Variants in SYNE1 observed in about 807,000 individuals in gnomAD.
The protein encoded by SYNE1 is nesprin-1.
SYNE1 carries 616 observed loss-of-function variants against 1,111.0 expected under a neutral mutation model. The observed-to-expected ratio is 0.55, with a 90% CI of 0.52 to 0.59. SYNE1 has a LOEUF of 0.59. SYNE1 is among the 20% of genes least tolerant of loss of function. SYNE1 has a pLI of 0.00. For synonymous variants in SYNE1, 3,855 were observed against 3,825.8 expected (o/e 1.01, Z -0.28); for missense variants, 10,006 against 10,417.0 (o/e 0.96, Z 1.72).
intron 89 of SYNE1, 102 bp downstream of exon 89, chr6:152,310,294 A>G: frequency 6.6e-7 from 1 of 1,519,552 alleles, no homozygotes; most frequent in Non-Finnish European, 9.0e-7. Context: ...AATAAATTAA[A>G]AAAAATAAAA....
At chr6:152,607,944 A>T (rs2099620582) in intron 3 of SYNE1, among the ~76,000 whole-genome samples, 1 of 152,130 alleles carries the variant, frequency 6.6e-6, no homozygotes, top group Non-Finnish European at 1.5e-5. Flanking sequence ...CAGAAAACCA[A>T]ACACTGCCTG....
At chr6:152,513,056 C>A (rs1485798340) in intron 6 of SYNE1, among the ~76,000 whole-genome samples, 4 of 152,114 alleles carry the variant, frequency 2.6e-5, no homozygotes, top group East Asian at 3.9e-4. Flanking sequence ...CACCTTGGAC[C>A]CATTAAACCA....
chr6:152,237,090 A>C, intron 108 of SYNE1, 142 bp from the exon 109 acceptor site: 2 of 1,148,030 alleles, frequency 1.7e-6, no homozygotes, highest in Non-Finnish European at 2.5e-6. Flanking sequence ...TTTGGGAAGC[A>C]AAAGATGGCT....
chr6:152,393,459 G>A (rs1450372221), intron 51 of SYNE1, among the ~76,000 whole-genome samples: 2 of 151,892 alleles, frequency 1.3e-5, no homozygotes, highest in African/African-American at 4.8e-5. Context: ...TTATATGGTT[G>A]CAATGATGCT....
intron 62 of SYNE1, 54 bp downstream of exon 62, chr6:152,367,164 T>A (rs751755051): frequency 2.5e-6 from 4 of 1,612,310 alleles, no homozygotes; most frequent in Non-Finnish European, 3.4e-6. Flanking sequence ...GACGGGAAAT[T>A]TTGAGAAAAA....
intron 120 of SYNE1, 103 bp from the exon 121 acceptor site, chr6:152,218,506 A>G: frequency 7.6e-7 from 1 of 1,313,068 alleles, no homozygotes; most frequent in Non-Finnish European, 1.1e-6. Context: ...ATTATTTTTC[A>G]TATTCTTGTA....
intron 130 of SYNE1, among the ~76,000 whole-genome samples, chr6:152,172,306 C>T (rs2065409069): frequency 6.6e-6 from 1 of 152,140 alleles, no homozygotes; most frequent in African/African-American, 2.4e-5. Context: ...CACTGAATTA[C>T]ATGCTTTAGA....
chr6:152,522,097 A>G (rs373092598), intron 5 of SYNE1, among the ~76,000 whole-genome samples: 3 of 151,934 alleles, frequency 2.0e-5, no homozygotes, highest in East Asian at 3.9e-4. Flanking sequence ...AACTTCAATA[A>G]CTTTTAGGGT....
chr6:152,565,759 T>G (rs1341695561), intron 3 of SYNE1, among the ~76,000 whole-genome samples: 3 of 152,082 alleles, frequency 2.0e-5, no homozygotes, highest in Non-Finnish European at 4.4e-5. Context: ...GTTTTACAAA[T>G]AGGATTTCTT....
chr6:152,445,628 G>A (rs149094288), intron 29 of SYNE1, among the ~76,000 whole-genome samples: 4 of 152,054 alleles, frequency 2.6e-5, no homozygotes, highest in Admixed American at 6.5e-5. Context: ...GAGACCTTAC[G>A]AAAACCACAA....
At position 152,354,939 on chromosome 6, in the gene SYNE1, A is replaced by C. The variant is rs1438091299; in HGVS notation, c.10646T>G (p.Leu3549Trp). 6.2e-7 allele frequency: 1 copy of C among 1,614,122 alleles called. No individual in the cohort carries two copies. Reference protein sequence around the residue: ...QVHCAEGQALLNSVLHTREDV... With the variant: ...QVHCAEGQALWNSVLHTREDV... ...CTCTCTGGTGTGCAGCACTGAGTTC[A>C]ACAGGGCCTGCCCCTCTGCACAGTG... is the stretch of plus-strand genomic sequence containing the variant. Residue 3549 changes from leucine (L) to tryptophan (W), a missense_variant, in exon 67 of 146, where the codon TTG (leucine) becomes TGG (tryptophan). By Grantham distance (61) the Leu-to-Trp change is moderately conservative. Transcript: ENST00000367255.
chr6:152,376,053 TG>T (rs1055678485), intron 58 of SYNE1: 3 of 240,926 alleles, frequency 1.2e-5, no homozygotes, highest in Non-Finnish European at 2.4e-5. Flanking sequence ...GCAGGGGGGA[TG>T]GTTTCGGGAT....
chr6:152,249,928 T>C (rs2088612766), intron 104 of SYNE1, among the ~76,000 whole-genome samples: 1 of 152,178 alleles, frequency 6.6e-6, no homozygotes. Context: ...AGAACTTTGG[T>C]ACTTAATTCC....
intron 90 of SYNE1, 104 bp from the exon 91 acceptor site, chr6:152,308,736 G>A (rs1239393063): frequency 1.6e-6 from 2 of 1,245,316 alleles, no homozygotes; most frequent in Non-Finnish European, 2.2e-6. Flanking sequence ...TACAGGTAGG[G>A]AATAAAGAAA....
At chr6:152,428,608 T>A (rs577893953) in intron 36 of SYNE1, among the ~76,000 whole-genome samples, 1 of 152,300 alleles carries the variant, frequency 6.6e-6, no homozygotes, top group Admixed American at 6.5e-5. Flanking sequence ...CTATCCTATA[T>A]TTCAAAATAG....
At chr6:152,615,118 T>TA (rs1167536091) in intron 3 of SYNE1, among the ~76,000 whole-genome samples, 1 of 152,102 alleles carries the variant, frequency 6.6e-6, no homozygotes, top group Middle Eastern at 3.2e-3. Context: ...TAAAGTATAA[T>TA]AAAAAAAGAA....
At chr6:152,418,316 C>T (rs1009392494) in intron 40 of SYNE1, among the ~76,000 whole-genome samples, 2 of 152,172 alleles carry the variant, frequency 1.3e-5, no homozygotes, top group African/African-American at 2.4e-5. Context: ...GCTGCTCTCT[C>T]TCAGTCTGTT....
At chr6:152,621,353 T>C (rs1258053925) in intron 3 of SYNE1, among the ~76,000 whole-genome samples, 1 of 152,194 alleles carries the variant, frequency 6.6e-6, no homozygotes, top group Admixed American at 6.6e-5. Context: ...TAAGGTAATA[T>C]GTTTAAAAAA....
At chr6:152,422,784 T>G (rs963461095) in intron 39 of SYNE1, among the ~76,000 whole-genome samples, 7 of 152,272 alleles carry the variant, frequency 4.6e-5, no homozygotes, top group African/African-American at 1.7e-4. Context: ...TCTGGGATTA[T>G]GGGCATGAGC....
Sources: gnomAD v4.1 joint callset for allele counts (sites outside exome capture counted in the v4.1 genomes callset) on GRCh38, gnomAD v4.1.1 for gene constraint, MANE v1.5 for transcripts, NCBI Gene and HGNC (gene_info 2026-07-23, HGNC 2026-07-21) for gene names.